The following NRG3 variants were observed in gnomAD, a reference collection of about 807,000 sequenced individuals.
The protein encoded by NRG3 is neuregulin 3.
Under a neutral mutation model 66.9 loss-of-function variants are expected in NRG3, and 31 were observed. That is an observed-to-expected ratio of 0.46 (90% CI 0.35 to 0.63). The LOEUF (loss-of-function observed/expected upper bound fraction) is 0.63. Among genes scored for constraint, NRG3 ranks in the 20% least tolerant of loss-of-function variants. The probability of loss-of-function intolerance (pLI) is 0.00; values close to 1 mark genes in which losing one functional copy is unlikely to be tolerated. For synonymous variants in NRG3, 393 were observed against 359.4 expected (o/e 1.09, Z -1.06); for missense variants, 910 against 878.9 (o/e 1.04, Z -0.45).
At chr10:82,062,887 G>A (rs1182805221) in intron 1 of NRG3, among the ~76,000 whole-genome samples, 1 of 152,156 alleles carries the variant, frequency 6.6e-6, no homozygotes, top group Non-Finnish European at 1.5e-5. Context: ...TAGAGCTACT[G>A]AATCTGTGCT....
rs1373517058 is a variant in NRG3, at chr10:82,975,363, A to G, written c.1412+1448A>G. Among the ~76,000 whole-genome samples the G allele has an allele frequency of 3.3e-5, 5 of 152,162 alleles. No homozygotes were observed. The East Asian group carries it at 9.6e-4, about 29-fold the overall frequency. ...TTCTGTCATAAATGTTTTAAAATTG[A>G]TATATATGTTTTAAAACATCAGCTC... On this transcript the variant is annotated intron_variant, in intron 7 of 8. Coordinates refer to ENST00000372141, the MANE Select transcript of NRG3 (RefSeq NM_001010848.4).
chr10:82,188,170 A>G (rs574632010), intron 1 of NRG3, among the ~76,000 whole-genome samples: 5 of 152,170 alleles, frequency 3.3e-5, no homozygotes, highest in African/African-American at 1.2e-4. Flanking sequence ...CACCTACAGT[A>G]TACTCATTTT....
At chr10:82,194,770 T>A (rs2074358031) in intron 1 of NRG3, among the ~76,000 whole-genome samples, 1 of 152,148 alleles carries the variant, frequency 6.6e-6, no homozygotes, top group South Asian at 2.1e-4. Context: ...ATCCTGTTAT[T>A]TGACTTAGAC....
chr10:82,323,832 A>G (rs946374432), intron 1 of NRG3, among the ~76,000 whole-genome samples: 2 of 150,994 alleles, frequency 1.3e-5, no homozygotes, highest in African/African-American at 4.9e-5. Context: ...TTTTTGAAAA[A>G]CCTTCTATGG....
At chr10:81,890,196 C>T (rs12241815) in intron 1 of NRG3, among the ~76,000 whole-genome samples, 6 of 152,290 alleles carry the variant, frequency 3.9e-5, no homozygotes, top group Admixed American at 3.3e-4. Context: ...TCTGCAGGGA[C>T]TGGCACCTGA....
At chr10:82,443,471 T>C (rs2090550954) in intron 2 of NRG3, among the ~76,000 whole-genome samples, 1 of 152,212 alleles carries the variant, frequency 6.6e-6, no homozygotes, top group African/African-American at 2.4e-5. Flanking sequence ...ACACACAGTT[T>C]CATGCAGTTT....
In NRG3 at chr10:82,491,293, A is replaced by AATATATATATATATATATACAT. The variant is rs1554942716; in HGVS notation, c.953+132444_953+132445insCATATATATATATATATATATA. ...GATTCTGCCTATGCTGTTCCCATAA[A>AATATATATATATATATATACAT]ATATATATATATATATATATATAAA... On this transcript the variant is annotated intron_variant, in intron 2 of 8. Coordinates refer to ENST00000372141, the MANE Select transcript of NRG3 (RefSeq NM_001010848.4). Among the ~76,000 whole-genome samples the AATATATATATATATATATACAT allele has an allele frequency of 7.4e-3, 604 of 82,146 alleles. 46 individuals carry two copies. Among genetic ancestry groups the AATATATATATATATATATACAT allele is most frequent in the Middle Eastern group, 0.014 (2 of 138 alleles). The allele number at this position is 82,146 out of a possible 152,430, so 53.9% of individuals were successfully genotyped here.
intron 6 of NRG3, among the ~76,000 whole-genome samples, chr10:82,973,104 G>A (rs1277099784): frequency 2.0e-5 from 3 of 152,124 alleles, no homozygotes; most frequent in Non-Finnish European, 2.9e-5. Flanking sequence ...TGTTAAAGTT[G>A]ACAACTTATT....
intron 2 of NRG3, among the ~76,000 whole-genome samples, chr10:82,550,425 A>T (rs1421471311): frequency 6.6e-6 from 1 of 151,474 alleles, no homozygotes; most frequent in Non-Finnish European, 1.5e-5. Flanking sequence ...CGGCCATTTC[A>T]CTCCACTGAC....
chr10:82,540,425 G>C (rs1175450197), intron 2 of NRG3, among the ~76,000 whole-genome samples: 1 of 151,846 alleles, frequency 6.6e-6, no homozygotes. Context: ...AGATGTTTTG[G>C]GGGGTCAGAC....
chr10:81,927,296 C>T (rs562217333), intron 1 of NRG3, among the ~76,000 whole-genome samples: 161 of 152,138 alleles, frequency 1.1e-3, no homozygotes, highest in Middle Eastern at 3.4e-3. Context: ...AATATCCTAT[C>T]TGCTGTAATT....
At chr10:82,788,548 T>C (rs556097708) in intron 3 of NRG3, among the ~76,000 whole-genome samples, 1 of 152,114 alleles carries the variant, frequency 6.6e-6, no homozygotes, top group African/African-American at 2.4e-5. Flanking sequence ...CCAGCCTGGG[T>C]GACAGAGTGA....
At chr10:82,825,370 A>G (rs1181709286) in intron 3 of NRG3, among the ~76,000 whole-genome samples, 1 of 152,198 alleles carries the variant, frequency 6.6e-6, no homozygotes, top group East Asian at 1.9e-4. Flanking sequence ...GATCATCCCA[A>G]TACTTTACAG....
chr10:82,021,731 T>C (rs540170387), intron 1 of NRG3, among the ~76,000 whole-genome samples: 2 of 152,060 alleles, frequency 1.3e-5, no homozygotes, highest in South Asian at 4.2e-4. Flanking sequence ...GATAATTTTA[T>C]ATCAGCCTGA....
At chr10:82,044,131 T>G (rs1253643654) in intron 1 of NRG3, among the ~76,000 whole-genome samples, 1 of 144,974 alleles carries the variant, frequency 6.9e-6, no homozygotes, top group African/African-American at 2.5e-5. Context: ...ATTACAAATA[T>G]GGTGAGCTAA....
chr10:82,712,655 T>A (rs1455664160), intron 2 of NRG3, among the ~76,000 whole-genome samples: 1 of 152,070 alleles, frequency 6.6e-6, no homozygotes, highest in Non-Finnish European at 1.5e-5. Flanking sequence ...GATGGCAAAG[T>A]TAAAGATGCT....
At chr10:82,917,970 G>GTATATATATATATATATA (rs1171736937) in intron 4 of NRG3, among the ~76,000 whole-genome samples, 2 of 113,998 alleles carry the variant, frequency 1.8e-5, no homozygotes, top group African/African-American at 3.7e-5. Context: ...GTGTGTGTGT[G>GTATATATATATATATATA]TATATATATA....
chr10:82,415,631 C>T (rs1161483669), intron 2 of NRG3, among the ~76,000 whole-genome samples: 1 of 152,120 alleles, frequency 6.6e-6, no homozygotes, highest in African/African-American at 2.4e-5. Context: ...TATCCAAGCA[C>T]ACTTGAATTT....
chr10:82,166,669 A>C, intron 1 of NRG3: 1 of 473,258 alleles, frequency 2.1e-6, no homozygotes, highest in South Asian at 3.6e-5. Context: ...TATATAGAAA[A>C]ATATATATAT....
Sources: gnomAD v4.1 joint callset for allele counts (sites outside exome capture counted in the v4.1 genomes callset) on GRCh38, gnomAD v4.1.1 for gene constraint, MANE v1.5 for transcripts, NCBI Gene and HGNC (gene_info 2026-07-23, HGNC 2026-07-21) for gene names.